Variants in AFG2A observed in about 807,000 individuals in gnomAD.
The protein encoded by AFG2A is AAA ATPase AFG2A.
At chr4:123,217,723 C>A in the AFG2A span, among the ~76,000 whole-genome samples, 1 of 152,128 alleles carries the variant, frequency 6.6e-6, no homozygotes, top group African/African-American at 2.4e-5. Context: ...ATATAATGAA[C>A]TCTGAGGGGT....
chr4:122,994,753 T>C, the AFG2A span, among the ~76,000 whole-genome samples: 1 of 149,722 alleles, frequency 6.7e-6, no homozygotes, highest in African/African-American at 2.5e-5. Context: ...ACTAATTGTA[T>C]AACCCAAACC....
chr4:122,947,348 A>T, the AFG2A span: 1 of 1,614,062 alleles, frequency 6.2e-7, no homozygotes, highest in African/African-American at 1.3e-5. Flanking sequence ...GGAGTTCCCA[A>T]TGCTCAGGAC....
At chr4:123,043,618 A>C in the AFG2A span, among the ~76,000 whole-genome samples, 2 of 152,354 alleles carry the variant, frequency 1.3e-5, no homozygotes, top group Admixed American at 6.5e-5. Context: ...GAAATTAATC[A>C]TATCAGTGTT....
the AFG2A span, among the ~76,000 whole-genome samples, chr4:122,969,146 G>C: frequency 9.2e-5 from 14 of 151,426 alleles, no homozygotes; most frequent in Non-Finnish European, 1.8e-4. Context: ...TTGATATAAA[G>C]GATCCAGTTC....
At chr4:123,084,752 C>A in the AFG2A span, among the ~76,000 whole-genome samples, 3 of 151,854 alleles carry the variant, frequency 2.0e-5, no homozygotes, top group African/African-American at 7.3e-5. Context: ...TCTCAGCCTC[C>A]CAACTAGCTA....
At chr4:123,200,880 A>G in the AFG2A span, among the ~76,000 whole-genome samples, 1 of 152,344 alleles carries the variant, frequency 6.6e-6, no homozygotes, top group Middle Eastern at 3.4e-3. Flanking sequence ...TTCTCATTCC[A>G]CAATTTTGAA....
chr4:123,091,509 A>C, the AFG2A span, among the ~76,000 whole-genome samples: 1 of 152,220 alleles, frequency 6.6e-6, no homozygotes, highest in Non-Finnish European at 1.5e-5. Flanking sequence ...ATTTTCATCT[A>C]TACGAAGGTA....
the AFG2A span, among the ~76,000 whole-genome samples, chr4:123,120,965 G>A: frequency 6.6e-6 from 1 of 152,054 alleles, no homozygotes; most frequent in African/African-American, 2.4e-5. Context: ...CCTTGTAAAC[G>A]TACGAGATGA....
chr4:122,935,850 A>C, the AFG2A span: 1 of 1,602,772 alleles, frequency 6.2e-7, no homozygotes, highest in South Asian at 1.1e-5. Context: ...GCAAGTAAGT[A>C]CATGATTTAA....
chr4:123,262,914 A>AT, the AFG2A span, among the ~76,000 whole-genome samples: 1 of 152,138 alleles, frequency 6.6e-6, no homozygotes, highest in Non-Finnish European at 1.5e-5. Context: ...ACCCAGAAGA[A>AT]TTTTTTTCTG....
At chr4:122,968,273 A>G in the AFG2A span, among the ~76,000 whole-genome samples, 1 of 152,096 alleles carries the variant, frequency 6.6e-6, no homozygotes, top group Non-Finnish European at 1.5e-5. Context: ...CTTTTTACAT[A>G]CTTTTTTAAA....
At chr4:122,944,591 G>A in the AFG2A span, among the ~76,000 whole-genome samples, 6 of 151,984 alleles carry the variant, frequency 3.9e-5, no homozygotes, top group Admixed American at 6.6e-5. Context: ...ATTTCCTCCC[G>A]TAGCTCGGAG....
the AFG2A span, among the ~76,000 whole-genome samples, chr4:122,978,214 T>C: frequency 6.6e-6 from 1 of 151,828 alleles, no homozygotes; most frequent in Admixed American, 6.6e-5. Context: ...AGAGGAGACC[T>C]GGAGTGGGTG....
chr4:123,054,431 T>C, the AFG2A span, among the ~76,000 whole-genome samples: 1 of 148,436 alleles, frequency 6.7e-6, no homozygotes, highest in East Asian at 2.0e-4. Flanking sequence ...TTTTTTTTTA[T>C]GAATTAAGTC....
chr4:123,082,582 T>C, the AFG2A span, among the ~76,000 whole-genome samples: 1 of 151,004 alleles, frequency 6.6e-6, no homozygotes, highest in Non-Finnish European at 1.5e-5. Flanking sequence ...TTATAGGAAG[T>C]CTTGAATTTG....
the AFG2A span, among the ~76,000 whole-genome samples, chr4:122,935,390 C>G: frequency 6.6e-6 from 1 of 151,824 alleles, no homozygotes; most frequent in Non-Finnish European, 1.5e-5. Flanking sequence ...GGTGGCTTGT[C>G]TACCTGTGTT....
chr4:123,199,371 T>C, the AFG2A span, among the ~76,000 whole-genome samples: 1 of 151,868 alleles, frequency 6.6e-6, no homozygotes, highest in African/African-American at 2.4e-5. Flanking sequence ...TTCAGAATCA[T>C]TGATAACATC....
chr4:123,092,761 T>C, the AFG2A span, among the ~76,000 whole-genome samples: 1 of 152,182 alleles, frequency 6.6e-6, no homozygotes, highest in South Asian at 2.1e-4. Flanking sequence ...TGATTGGGGC[T>C]GAGAACTAAA....
At chr4:122,989,276 T>G in the AFG2A span, among the ~76,000 whole-genome samples, 3 of 151,542 alleles carry the variant, frequency 2.0e-5, no homozygotes, top group East Asian at 5.9e-4. Context: ...CTAGTCAGCT[T>G]GTCTAGTAGT....
Sources: gnomAD v4.1 joint callset for allele counts (sites outside exome capture counted in the v4.1 genomes callset) on GRCh38, gnomAD v4.1.1 for gene constraint, MANE v1.5 for transcripts, NCBI Gene and HGNC (gene_info 2026-07-23, HGNC 2026-07-21) for gene names.